NT5DC3: variants seen among roughly 807,000 people sequenced by gnomAD.
The protein encoded by NT5DC3 is 5'-nucleotidase domain-containing protein 3.
A neutral mutation model predicts 67.8 loss-of-function variants in NT5DC3; 42 were observed. The ratio of observed to expected loss-of-function variants is 0.62; its 90% CI spans 0.48 to 0.80. NT5DC3 has a LOEUF of 0.80. NT5DC3 is among the 30% of genes least tolerant of loss of function. The pLI, the probability that NT5DC3 is intolerant of heterozygous loss-of-function variation, is 0.00. For missense variants in NT5DC3, 570 were observed against 696.4 expected, an observed-to-expected ratio of 0.82 and a Z score of 2.04; for synonymous variants, 237 against 255.6, an observed-to-expected ratio of 0.93 and a Z score of 0.69.
chr12:103,790,975 C>G (rs966834286), intron 9 of NT5DC3, among the ~76,000 whole-genome samples: 1 of 152,162 alleles, frequency 6.6e-6, no homozygotes, highest in African/African-American at 2.4e-5. Flanking sequence ...AGGCGTGAGC[C>G]ACCGCACCCG....
At chr12:103,768,022 A>G (rs1035580356), downstream of NT5DC3, among the ~76,000 whole-genome samples, 1 of 146,198 alleles carries the variant, frequency 6.8e-6, no homozygotes, top group Non-Finnish European at 1.5e-5. Flanking sequence ...CAGGAGGCAG[A>G]GGTTGCAGTG....
At chr12:103,788,608 G>T (rs1885899481) in intron 10 of NT5DC3, among the ~76,000 whole-genome samples, 1 of 152,120 alleles carries the variant, frequency 6.6e-6, no homozygotes, top group South Asian at 2.1e-4. Context: ...TGAAAGTCAT[G>T]CCTTAAATTT....
chr12:103,768,552 G>A (rs1566091920), downstream of NT5DC3, among the ~76,000 whole-genome samples: 7 of 1,472 alleles, frequency 4.8e-3, no homozygotes, highest in African/African-American at 0.011. Flanking sequence ...GGAGAGGGAG[G>A]GAGGCGGAGG....
chr12:103,801,421 C>T (rs1262561327), intron 4 of NT5DC3, among the ~76,000 whole-genome samples: 1 of 115,772 alleles, frequency 8.6e-6, no homozygotes, highest in African/African-American at 3.5e-5. Flanking sequence ...CTTGCTCTGT[C>T]GCCCAGGCTG....
chr12:103,807,275 C>T (rs552467905), intron 2 of NT5DC3, among the ~76,000 whole-genome samples: 3 of 152,204 alleles, frequency 2.0e-5, no homozygotes, highest in African/African-American at 7.2e-5. Context: ...ACATCGGCTT[C>T]AATCTCCACC....
chr12:103,754,080 C>T, the NT5DC3 span, among the ~76,000 whole-genome samples: 2 of 152,076 alleles, frequency 1.3e-5, no homozygotes, highest in Non-Finnish European at 2.9e-5. Context: ...ATGCCTAGTA[C>T]GTATGATTTT....
At chr12:103,804,727 A>T (rs1886724161) in intron 4 of NT5DC3, among the ~76,000 whole-genome samples, 1 of 152,238 alleles carries the variant, frequency 6.6e-6, no homozygotes, top group East Asian at 1.9e-4. Flanking sequence ...ATTGTACAAG[A>T]AAGAAAATAA....
At position 103,775,155 on chromosome 12, in the gene NT5DC3, G is replaced by T. The variant is rs979020659; in HGVS notation, c.*2674C>A. ...CGGCCCCGTTACCGCCACGACATGGGTCTACAGTCTGCAAGGTACACAGTC... is the reference window on the plus strand; with the variant it reads ...CGGCCCCGTTACCGCCACGACATGGTTCTACAGTCTGCAAGGTACACAGTC... On this transcript the variant is annotated 3_prime_UTR_variant, in exon 14 of 14. Coordinates refer to ENST00000392876, the MANE Select transcript of NT5DC3 (RefSeq NM_001031701.3). 2 of 152,212 alleles carry T rather than the reference G, an allele frequency of 1.3e-5. No homozygotes were observed. The highest frequency in any genetic ancestry group is 4.8e-5 in the African/African-American group (2 of 41,432). 9.4% of individuals were successfully genotyped at this position (152,212 alleles called of 1,614,324 possible).
intron 1 of NT5DC3, among the ~76,000 whole-genome samples, chr12:103,831,526 C>T (rs1049764506): frequency 6.6e-6 from 1 of 151,820 alleles, no homozygotes; most frequent in Non-Finnish European, 1.5e-5. Flanking sequence ...CCAAAACCTG[C>T]CCCCCCACAC....
chr12:103,774,670 G>A lies in NT5DC3; in HGVS notation c.*3159C>T, dbSNP rs369736297. 9.2e-6 allele frequency: 1 copy of A among 109,210 alleles called. No homozygotes were observed. Among genetic ancestry groups the A allele is most frequent in the Non-Finnish European group, 1.8e-5 (1 of 54,224 alleles). 6.8% of individuals were successfully genotyped at this position (109,210 alleles called of 1,614,324 possible). A position where few individuals can be genotyped will look rare whatever the true frequency, so the allele number is the denominator to read the frequency against. ...TTGCACTCCGGCCTGGGCAAAAAGA[G>A]CAAAACTAAATCTCAAAAAAAAAAA... On this transcript the variant is annotated 3_prime_UTR_variant, in exon 14 of 14. Coordinates refer to ENST00000392876, the MANE Select transcript of NT5DC3 (RefSeq NM_001031701.3).
intron 2 of NT5DC3, 150 bp downstream of exon 2, chr12:103,814,787 G>C (rs1459253454): frequency 1.8e-6 from 1 of 551,872 alleles, no homozygotes; most frequent in Non-Finnish European, 3.1e-6. Flanking sequence ...TTCCAGATAA[G>C]AGTTACTTGG....
In NT5DC3 at chr12:103,777,633, T is replaced by TG. The variant is rs1484860217; in HGVS notation, c.*195dup. The TG allele has an allele frequency of 8.2e-6, 5 of 611,042 alleles. No individual in the cohort carries two copies. The highest frequency in any genetic ancestry group is 1.4e-5 in the Non-Finnish European group (5 of 363,802). 37.9% of individuals were successfully genotyped at this position (611,042 alleles called of 1,614,324 possible). On this transcript the variant is annotated 3_prime_UTR_variant, in exon 14 of 14. Coordinates refer to ENST00000392876, the MANE Select transcript of NT5DC3 (RefSeq NM_001031701.3). The stretch of plus-strand genomic sequence containing the variant: ...GTGAAGCTTGCCTTTCAGCCCTGCA[T>TG]GGGGGGAAAGGCTGGAGGGGTGGGC...
the NT5DC3 span, chr12:103,748,964 T>TGTG: frequency 6.2e-7 from 1 of 1,612,524 alleles, no homozygotes; most frequent in South Asian, 1.1e-5. Flanking sequence ...CTCTTGCAGT[T>TGTG]GTGGATTTCT....
chr12:103,819,657 A>C (rs1211279163), intron 1 of NT5DC3: 2 of 152,254 alleles, frequency 1.3e-5, no homozygotes, highest in Non-Finnish European at 2.9e-5. Flanking sequence ...AGTTTTCAGC[A>C]GCTTCCAGCT....
chr12:103,749,069 C>T, the NT5DC3 span: 156 of 1,614,118 alleles, frequency 9.7e-5, no homozygotes, highest in African/African-American at 8.8e-4. Context: ...ACAAAGGGGA[C>T]GGGCACAGCT....
At chr12:103,760,860 C>T in the NT5DC3 span, among the ~76,000 whole-genome samples, 21 of 152,216 alleles carry the variant, frequency 1.4e-4, no homozygotes, top group Non-Finnish European at 1.5e-5. Flanking sequence ...AGACGTGATT[C>T]AGCAGGGGAG....
At chr12:103,769,295 G>A (rs984742852), downstream of NT5DC3, among the ~76,000 whole-genome samples, 5 of 152,160 alleles carry the variant, frequency 3.3e-5, no homozygotes, top group Admixed American at 3.3e-4. Context: ...AAATTATTTT[G>A]CACTGTAGCC....
intron 1 of NT5DC3, among the ~76,000 whole-genome samples, chr12:103,827,524 T>C (rs1054479217): frequency 6.6e-6 from 1 of 152,222 alleles, no homozygotes; most frequent in Admixed American, 6.5e-5. Flanking sequence ...AAGTAGATTT[T>C]TCTGCTCGAA....
At chr12:103,820,666 T>C (rs1887454762) in intron 1 of NT5DC3, 1 of 152,178 alleles carries the variant, frequency 6.6e-6, no homozygotes, top group Non-Finnish European at 1.5e-5. Context: ...CATGGCCTGA[T>C]TGATGTCAAT....
Sources: allele counts gnomAD v4.1 joint callset (sites outside exome capture counted in the v4.1 genomes callset), GRCh38; gene constraint gnomAD v4.1.1; transcripts MANE v1.5; gene names NCBI Gene and HGNC (gene_info 2026-07-23, HGNC 2026-07-21).